Variants in USP7 observed in about 807,000 individuals in gnomAD.
The protein encoded by USP7 is ubiquitin specific peptidase 7.
A neutral mutation model predicts 162.9 loss-of-function variants in USP7; 9 were observed. That is an observed-to-expected ratio of 0.06 (90% CI 0.03 to 0.10). The LOEUF is 0.10. Ranked by LOEUF, USP7 falls within the 10% of genes least tolerant of loss-of-function variation. The pLI is 1.00. For missense variants in USP7, 715 were observed against 1,373.7 expected (o/e 0.52, Z 7.58); for synonymous variants, 562 against 475.9 (o/e 1.18, Z -2.35).
chr16:8,898,301 G>C (rs1469152526), intron 25 of USP7, 59 bp downstream of exon 25: 1 of 1,358,994 alleles, frequency 7.4e-7, no homozygotes, highest in Non-Finnish European at 1.0e-6. Flanking sequence ...CTGGGGACAG[G>C]TAGAAACAAT....
In USP7 at chr16:8,920,361, A is replaced by G; in HGVS notation, c.609T>C (p.Val203=). Residue 203 remains valine (V), a splice_region_variant and synonymous_variant, in exon 5 of 31, where the codon GTT becomes GTC. Transcript: ENST00000344836. ...CACCTGATTAAAGAAAAACTTACGC[A>G]ACTCCATGGGGAGCATCCGCCTGTA... The part of the protein sequence containing the change: ...VFVQADAPHG[V]AWDSKKHTGY... 1 of 1,604,984 alleles carries G rather than the reference A, an allele frequency of 6.2e-7. No homozygotes were observed. The highest frequency in any genetic ancestry group is 8.5e-7 in the Non-Finnish European group (1 of 1,177,854).
intron 16 of USP7, 42 bp from the exon 17 acceptor site, chr16:8,902,524 C>A (rs2061791084): frequency 6.5e-7 from 1 of 1,537,588 alleles, no homozygotes; most frequent in South Asian, 1.1e-5. Context: ...AAAACACGCT[C>A]ATATTTTAGT....
intron 8 of USP7, among the ~76,000 whole-genome samples, chr16:8,916,160 T>A (rs1416824676): frequency 6.6e-6 from 1 of 152,122 alleles, no homozygotes; most frequent in East Asian, 1.9e-4. Context: ...ACAACAGAAG[T>A]CACCACTGTA....
rs771825799 is a variant in USP7 at position 8,905,228 on chromosome 16, G to A, written c.1532C>T (p.Thr511Ile). ...HDDDLSVRHC[T>I]NAYMLVYIRE... ...GATGTAGACTAACATGTAAGCATTA[G>A]TGCAGTGTCGAACAGACAGGTCGTC... is the stretch of plus-strand genomic sequence containing the variant. Residue 511 changes from threonine (T) to isoleucine (I), a missense_variant, in exon 14 of 31, where the codon ACT becomes ATT. Physicochemically the swap from Thr to Ile is moderately conservative, Grantham distance 89 (BLOSUM62 -1). Coordinates refer to ENST00000344836, the MANE Select transcript of USP7 (RefSeq NM_003470.3). The A allele has an allele frequency of 6.2e-7, 1 of 1,614,204 alleles. No homozygotes were observed.
chr16:8,913,514 T>C (rs968507384), intron 10 of USP7, among the ~76,000 whole-genome samples: 1 of 151,932 alleles, frequency 6.6e-6, no homozygotes, highest in Non-Finnish European at 1.5e-5. Flanking sequence ...CGGTAGAACG[T>C]CTAACAGACC....
intron 25 of USP7, among the ~76,000 whole-genome samples, chr16:8,897,726 A>AAAAAAAAAAAAATATAT (rs1555461671): frequency 1.4e-4 from 1 of 7,138 alleles, no homozygotes; most frequent in Non-Finnish European, 2.3e-4. Context: ...AAAAAAAAAA[A>AAAAAAAAAAAAATATAT]ATATATATAT....
At chr16:8,918,911 C>T (rs897398237) in intron 6 of USP7, 120 bp downstream of exon 6, 10 of 931,836 alleles carry the variant, frequency 1.1e-5, no homozygotes, top group East Asian at 7.3e-5. Flanking sequence ...AACTAGCAGC[C>T]ATCTGAGGAG....
intron 2 of USP7, among the ~76,000 whole-genome samples, chr16:8,925,884 G>A (rs1897959398): frequency 6.6e-6 from 1 of 152,232 alleles, no homozygotes; most frequent in African/African-American, 2.4e-5. Context: ...GCCAGGTGCG[G>A]TGGCTCACTC....
intron 2 of USP7, among the ~76,000 whole-genome samples, chr16:8,928,522 T>G (rs756482546): frequency 6.6e-6 from 1 of 152,194 alleles, no homozygotes; most frequent in Non-Finnish European, 1.5e-5. Context: ...AACACACTTA[T>G]CCCCTGAAGA....
At position 8,936,654 on chromosome 16, in the gene USP7, GA is replaced by G; in HGVS notation, c.80-6258del. Reference sequence around the variant, plus strand: ...CAGTGGCCTCTGCTGGGGGATGGGGGAGGTTCTCTCACCCACATCAGAGTGA... The same window carrying G: ...CAGTGGCCTCTGCTGGGGGATGGGGGGGTTCTCTCACCCACATCAGAGTGA... On this transcript the variant is annotated intron_variant, in intron 1 of 30. Transcript: ENST00000344836. 27 of 1,552,106 alleles carry G rather than the reference GA, an allele frequency of 1.7e-5. 1 individual carries two copies. The highest frequency in any genetic ancestry group is 2.2e-5 in the Non-Finnish European group (26 of 1,156,178).
rs1426700117 is a variant in USP7, at chr16:8,929,926, G to C, written c.184+367C>G. Among the ~76,000 whole-genome samples, 3 of 152,310 alleles carry C rather than the reference G, an allele frequency of 2.0e-5. No homozygotes were observed. In the East Asian group the frequency reaches 5.8e-4, roughly 29 times the overall value. On this transcript the variant is annotated intron_variant, in intron 2 of 30. Coordinates refer to ENST00000344836, the MANE Select transcript of USP7 (RefSeq NM_003470.3). ...TACACCCTGCAATGAGAATGCAATGGAAAGCCAAGTTCCAATGTCTGCACG... is the reference window on the plus strand; with the variant it reads ...TACACCCTGCAATGAGAATGCAATGCAAAGCCAAGTTCCAATGTCTGCACG...
Position 8,895,716 on chromosome 16 carries a change from T to C in USP7, c.2845A>G (p.Ile949Val). 2 of 1,613,244 alleles carry C rather than the reference T, an allele frequency of 1.2e-6. No individual in the cohort carries two copies. Among genetic ancestry groups the C allele is most frequent in the Non-Finnish European group, 1.7e-6 (2 of 1,179,820 alleles). The change falls in exon 27 of 31, where the codon ATC (isoleucine) becomes GTC (valine). Residue 949 changes from isoleucine to valine, a missense_variant. Ile to Val is a conservative substitution (Grantham distance 29). Coordinates refer to ENST00000344836, the MANE Select transcript of USP7 (RefSeq NM_003470.3). ...LRLLEIVSYK[I>V]IGVHQEDELL... ...TCATCTTCTTGATGAACACCAATGA[T>C]TTTGTAGCTTACAATTTCTAGCAGC...
At chr16:8,942,511 C>A (rs183708334) in intron 1 of USP7, among the ~76,000 whole-genome samples, 25 of 152,306 alleles carry the variant, frequency 1.6e-4, no homozygotes, top group Middle Eastern at 3.5e-3. Flanking sequence ...TCCTAAGTAA[C>A]TCTGAATCCC....
intron 27 of USP7, 76 bp downstream of exon 27, chr16:8,895,566 T>G (rs2061668373): frequency 1.6e-6 from 2 of 1,217,696 alleles, no homozygotes; most frequent in South Asian, 2.5e-5. Flanking sequence ...CTTGTACAAC[T>G]TGCTGTGATA....
At chr16:8,922,543 T>C (rs994093725) in intron 3 of USP7, among the ~76,000 whole-genome samples, 3 of 152,070 alleles carry the variant, frequency 2.0e-5, no homozygotes, top group African/African-American at 7.2e-5. Context: ...CTGGGGAACA[T>C]GTTACTGAGG....
In USP7 at chr16:8,892,709, G is replaced by C. The variant is rs1347821056; in HGVS notation, c.*1289C>G. 6.6e-6 allele frequency: 1 copy of C among 151,710 alleles called. No homozygotes were observed. Among genetic ancestry groups the C allele is most frequent in the East Asian group, 1.9e-4 (1 of 5,168 alleles). 9.4% of individuals were successfully genotyped at this position (151,710 alleles called of 1,614,324 possible). On this transcript the variant is annotated 3_prime_UTR_variant, in exon 31 of 31. Coordinates refer to ENST00000344836, the MANE Select transcript of USP7 (RefSeq NM_003470.3). ...GTGAAACCTTGTTACAAATGCCAAGGTTTCCCAGGCCTGTTTCCAGGGAGA... is the reference window on the plus strand; with the variant it reads ...GTGAAACCTTGTTACAAATGCCAAGCTTTCCCAGGCCTGTTTCCAGGGAGA...
At chr16:8,930,727 G>T (rs865932869) in intron 1 of USP7, among the ~76,000 whole-genome samples, 2 of 152,146 alleles carry the variant, frequency 1.3e-5, no homozygotes, top group African/African-American at 4.8e-5. Flanking sequence ...CTAGCATTTT[G>T]AGAGGCCAAG....
chr16:8,934,328 T>G (rs531506337), intron 1 of USP7, among the ~76,000 whole-genome samples: 6 of 152,338 alleles, frequency 3.9e-5, no homozygotes, highest in African/African-American at 1.4e-4. Flanking sequence ...GAAATCAGAC[T>G]GAGACACAAG....
intron 14 of USP7, among the ~76,000 whole-genome samples, chr16:8,904,781 TA>T (rs60248986): frequency 4.2e-4 from 61 of 144,338 alleles, no homozygotes; most frequent in Non-Finnish European, 4.6e-4. Flanking sequence ...TCTCTACTAC[TA>T]AAAAAAAAAA....
Sources: gnomAD v4.1 joint callset for allele counts (sites outside exome capture counted in the v4.1 genomes callset) on GRCh38, gnomAD v4.1.1 for gene constraint, MANE v1.5 for transcripts, NCBI Gene and HGNC (gene_info 2026-07-23, HGNC 2026-07-21) for gene names.